The following C1QTNF3 variants were observed in gnomAD, a reference collection of about 807,000 sequenced individuals.
C1QTNF3 encodes the protein C1q and TNF related 3, also known as complement C1q tumor necrosis factor-related protein 3.
C1QTNF3 carries 26 observed loss-of-function variants against 32.6 expected under a neutral mutation model. The ratio of observed to expected loss-of-function variants is 0.80; its 90% CI spans 0.58 to 1.11. C1QTNF3 has a LOEUF of 1.11. C1QTNF3 is among the 50% of genes least tolerant of loss of function. The pLI is 0.00. For missense variants in C1QTNF3, 362 were observed against 398.2 expected (o/e 0.91, Z 0.77); for synonymous variants, 155 against 146.0 (o/e 1.06, Z -0.44).
At chr5:34,118,278 C>A in the C1QTNF3 span, among the ~76,000 whole-genome samples, 1 of 152,268 alleles carries the variant, frequency 6.6e-6, no homozygotes, top group African/African-American at 2.4e-5. Flanking sequence ...AGAGTTTCTG[C>A]ATGTTGGTCA....
At chr5:34,131,395 A>G in the C1QTNF3 span, among the ~76,000 whole-genome samples, 18 of 151,766 alleles carry the variant, frequency 1.2e-4, no homozygotes, top group Non-Finnish European at 2.4e-4. Context: ...ATTTACAACT[A>G]TTTAGTTGTT....
At chr5:34,144,287 AC>A in the C1QTNF3 span, among the ~76,000 whole-genome samples, 1 of 152,236 alleles carries the variant, frequency 6.6e-6, no homozygotes, top group African/African-American at 2.4e-5. Context: ...CTCTTTATCT[AC>A]CAAAAGACTT....
At chr5:34,166,307 C>T in the C1QTNF3 span, 6 of 151,880 alleles carry the variant, frequency 4.0e-5, 1 homozygote, top group South Asian at 2.1e-4. Context: ...TAAGCTAGGA[C>T]GTGACTTGGC....
the C1QTNF3 span, among the ~76,000 whole-genome samples, chr5:34,160,091 C>T: frequency 6.6e-6 from 1 of 152,104 alleles, no homozygotes; most frequent in African/African-American, 2.4e-5. Flanking sequence ...TAGCCCCTAC[C>T]ATCAGACTTG....
the C1QTNF3 span, among the ~76,000 whole-genome samples, chr5:34,176,240 C>G: frequency 1.7e-5 from 2 of 120,264 alleles, no homozygotes; most frequent in Non-Finnish European, 3.2e-5. Context: ...ACATCACACT[C>G]TGGGGACTGT....
rs1317332471 is a variant in C1QTNF3 at position 34,019,755 on chromosome 5, G to C, written c.*828C>G. 6.6e-6 allele frequency: 1 copy of C among 152,154 alleles called. No individual in the cohort carries two copies. The highest frequency in any genetic ancestry group is 1.5e-5 in the Non-Finnish European group (1 of 68,028). The allele number at this position is 152,154 out of a possible 1,614,324, so 9.4% of individuals were successfully genotyped here. The stretch of plus-strand genomic sequence containing the variant: ...TGCTCATTACATTTTTCTTGCCACA[G>C]TTTTATCTAAAGCCAGGTCAAAATC... On this transcript the variant is annotated 3_prime_UTR_variant, in exon 6 of 6. Coordinates refer to ENST00000382065, the MANE Select transcript of C1QTNF3 (RefSeq NM_181435.6).
At chr5:34,043,638 G>A (rs533206529), upstream of C1QTNF3, 103 of 155,926 alleles carry the variant, frequency 6.6e-4, no homozygotes, top group Non-Finnish European at 1.2e-3. Context: ...TTGGTTTCTA[G>A]CTGTACTGTT....
upstream of C1QTNF3, among the ~76,000 whole-genome samples, chr5:34,044,402 C>A (rs1306857677): frequency 6.6e-6 from 1 of 152,142 alleles, no homozygotes; most frequent in African/African-American, 2.4e-5. Flanking sequence ...TGGCAAGCGT[C>A]TGATGAGAAG....
chr5:34,178,070 C>T, the C1QTNF3 span, among the ~76,000 whole-genome samples: 1 of 141,720 alleles, frequency 7.1e-6, no homozygotes, highest in East Asian at 2.1e-4. Context: ...AGTTCAAGAC[C>T]AGCCTGACCA....
chr5:34,113,701 T>C, the C1QTNF3 span, among the ~76,000 whole-genome samples: 1 of 152,160 alleles, frequency 6.6e-6, no homozygotes, highest in Non-Finnish European at 1.5e-5. Flanking sequence ...TTAAAACATA[T>C]ATCCATATAG....
At chr5:34,165,396 T>C in the C1QTNF3 span, 1 of 152,080 alleles carries the variant, frequency 6.6e-6, no homozygotes, top group Admixed American at 6.6e-5. Context: ...CATGTGTGTA[T>C]ATATATATGT....
the C1QTNF3 span, among the ~76,000 whole-genome samples, chr5:34,175,251 A>C: frequency 6.6e-6 from 1 of 150,492 alleles, no homozygotes; most frequent in East Asian, 2.0e-4. Context: ...TCCTATGCTG[A>C]ACAGGCTGGT....
At chr5:34,133,437 T>C in the C1QTNF3 span, among the ~76,000 whole-genome samples, 174 of 152,308 alleles carry the variant, frequency 1.1e-3, 1 homozygote, top group Middle Eastern at 0.01. Flanking sequence ...TAAGAGGTTT[T>C]GTGGCTGACT....
the C1QTNF3 span, among the ~76,000 whole-genome samples, chr5:34,106,994 A>G: frequency 1.1e-5 from 1 of 90,646 alleles, no homozygotes; most frequent in Non-Finnish European, 2.2e-5. Flanking sequence ...ATCTTTTTAC[A>G]TATTTTGAAC....
chr5:34,164,860 T>C, the C1QTNF3 span: 6 of 151,408 alleles, frequency 4.0e-5, no homozygotes, highest in East Asian at 1.9e-4. Flanking sequence ...CCTGTAACCT[T>C]TGAAAGCCTA....
At chr5:34,028,097 T>C (rs935318763) in intron 4 of C1QTNF3, among the ~76,000 whole-genome samples, 33 of 152,228 alleles carry the variant, frequency 2.2e-4, no homozygotes, top group Middle Eastern at 3.4e-3. Flanking sequence ...CTCAGCCTCC[T>C]GAGTAGCTGG....
At chr5:34,074,052 C>G in the C1QTNF3 span, among the ~76,000 whole-genome samples, 2 of 152,096 alleles carry the variant, frequency 1.3e-5, no homozygotes, top group Non-Finnish European at 2.9e-5. Flanking sequence ...TAGTAAGTAG[C>G]ATTTATTGAA....
chr5:34,044,174 C>T (rs1409247896), upstream of C1QTNF3, among the ~76,000 whole-genome samples: 1 of 152,180 alleles, frequency 6.6e-6, no homozygotes, highest in African/African-American at 2.4e-5. Context: ...CATGTCTTTG[C>T]TTTAGTTGCT....
At chr5:34,036,037 A>G (rs1369760354) in intron 1 of C1QTNF3, among the ~76,000 whole-genome samples, 1 of 152,188 alleles carries the variant, frequency 6.6e-6, no homozygotes, top group Non-Finnish European at 1.5e-5. Flanking sequence ...CTATTTCTGG[A>G]AAGTGCCTTC....
Sources: gnomAD v4.1 joint callset for allele counts (sites outside exome capture counted in the v4.1 genomes callset) on GRCh38, gnomAD v4.1.1 for gene constraint, MANE v1.5 for transcripts, NCBI Gene and HGNC (gene_info 2026-07-23, HGNC 2026-07-21) for gene names.